Variants in PABPC4L observed in about 807,000 individuals in gnomAD.
PABPC4L encodes polyadenylate-binding protein 4-like.
For missense variants in PABPC4L, 452 were observed against 451.4 expected (o/e 1.00, Z -0.01); for synonymous variants, 169 against 164.1 (o/e 1.03, Z -0.23).
the PABPC4L span, among the ~76,000 whole-genome samples, chr4:134,056,006 T>C: frequency 6.6e-6 from 1 of 151,988 alleles, no homozygotes; most frequent in Non-Finnish European, 1.5e-5. Context: ...GTATGAGACA[T>C]AGATTGAGTT....
chr4:134,073,394 G>A, the PABPC4L span, among the ~76,000 whole-genome samples: 1 of 152,216 alleles, frequency 6.6e-6, no homozygotes, highest in African/African-American at 2.4e-5. Context: ...GCTGATGGAA[G>A]TAGGCTCCAT....
At chr4:134,119,696 T>C in the PABPC4L span, among the ~76,000 whole-genome samples, 1 of 151,662 alleles carries the variant, frequency 6.6e-6, no homozygotes, top group African/African-American at 2.4e-5. Context: ...CATCACCAAG[T>C]ACCCAGAAAC....
chr4:134,143,931 T>A, the PABPC4L span, among the ~76,000 whole-genome samples: 1 of 151,492 alleles, frequency 6.6e-6, no homozygotes, highest in African/African-American at 2.4e-5. Context: ...CCTGCATATT[T>A]TACTTATGAC....
chr4:133,965,199 A>G, the PABPC4L span, among the ~76,000 whole-genome samples: 2 of 152,244 alleles, frequency 1.3e-5, no homozygotes, highest in East Asian at 3.9e-4. Context: ...AATTAAATCA[A>G]GAACTCAAGC....
At chr4:133,982,078 T>C in the PABPC4L span, among the ~76,000 whole-genome samples, 5 of 152,174 alleles carry the variant, frequency 3.3e-5, no homozygotes, top group South Asian at 1.0e-3. Context: ...AGGAAATTAA[T>C]TTTGCCTTGC....
chr4:134,167,243 A>G, the PABPC4L span, among the ~76,000 whole-genome samples: 17 of 152,204 alleles, frequency 1.1e-4, no homozygotes, highest in African/African-American at 4.1e-4. Flanking sequence ...AGGTTCATTC[A>G]TTGCAACAAA....
chr4:133,971,219 C>A, the PABPC4L span, among the ~76,000 whole-genome samples: 1 of 140,526 alleles, frequency 7.1e-6, no homozygotes, highest in African/African-American at 2.6e-5. Flanking sequence ...TTCACGCATT[C>A]TACTGCCTCA....
chr4:134,101,436 A>C, the PABPC4L span, among the ~76,000 whole-genome samples: 2 of 151,414 alleles, frequency 1.3e-5, no homozygotes, highest in Non-Finnish European at 3.0e-5. Context: ...TTCCAACATA[A>C]ATTCTGATGC....
chr4:134,016,871 C>T, the PABPC4L span, among the ~76,000 whole-genome samples: 2 of 152,206 alleles, frequency 1.3e-5, no homozygotes, highest in East Asian at 1.9e-4. Context: ...CCATCAAGCT[C>T]GGGGATTTGT....
chr4:134,012,839 T>C, the PABPC4L span, among the ~76,000 whole-genome samples: 1 of 152,192 alleles, frequency 6.6e-6, no homozygotes, highest in Non-Finnish European at 1.5e-5. Context: ...CCTTTCAGTC[T>C]TGGTGCCACA....
chr4:134,085,772 T>C, the PABPC4L span, among the ~76,000 whole-genome samples: 1 of 152,198 alleles, frequency 6.6e-6, no homozygotes, highest in Non-Finnish European at 1.5e-5. Context: ...TATACCACTC[T>C]GTTGTATGTA....
At chr4:134,095,885 C>A in the PABPC4L span, among the ~76,000 whole-genome samples, 1 of 151,966 alleles carries the variant, frequency 6.6e-6, no homozygotes, top group Non-Finnish European at 1.5e-5. Flanking sequence ...TTGCACCCTG[C>A]ACAGAGAACT....
At chr4:133,994,738 T>C in the PABPC4L span, among the ~76,000 whole-genome samples, 1 of 152,180 alleles carries the variant, frequency 6.6e-6, no homozygotes, top group Non-Finnish European at 1.5e-5. Context: ...TTCCTTTCCC[T>C]GGGCATTGGG....
chr4:134,121,742 T>C, the PABPC4L span, among the ~76,000 whole-genome samples: 5 of 151,918 alleles, frequency 3.3e-5, no homozygotes, highest in South Asian at 8.3e-4. Flanking sequence ...AACAATTTCC[T>C]GAGGACTAAC....
chr4:134,092,425 A>G, the PABPC4L span, among the ~76,000 whole-genome samples: 2 of 151,908 alleles, frequency 1.3e-5, no homozygotes, highest in Non-Finnish European at 2.9e-5. Context: ...AGCCACCACC[A>G]TCACTCAATA....
At chr4:134,054,252 GTATATATATA>G in the PABPC4L span, among the ~76,000 whole-genome samples, 6,358 of 93,794 alleles carry the variant, frequency 0.068, 493 homozygotes, top group East Asian at 0.4. Flanking sequence ...AGTTGTATAT[GTATATATATA>G]TATATATATA....
At chr4:133,996,001 T>C in the PABPC4L span, among the ~76,000 whole-genome samples, 1 of 152,206 alleles carries the variant, frequency 6.6e-6, no homozygotes, top group African/African-American at 2.4e-5. Flanking sequence ...CTGATTGACT[T>C]GTTGATCTTG....
downstream of PABPC4L, among the ~76,000 whole-genome samples, chr4:134,192,463 T>G (rs191121784): frequency 1.1e-3 from 167 of 152,178 alleles, no homozygotes; most frequent in Admixed American, 2.4e-3. Context: ...TAGCGGTGAT[T>G]TTGCACAATC....
Position 134,198,003 on chromosome 4 carries a change from T to A in PABPC4L, c.*1904A>T, listed in dbSNP as rs1251427611. 1 of 151,714 alleles carries A rather than the reference T, an allele frequency of 6.6e-6. No homozygotes were observed. Among genetic ancestry groups the A allele is most frequent in the Non-Finnish European group, 1.5e-5 (1 of 67,680 alleles). 9.4% of individuals were successfully genotyped at this position (151,714 alleles called of 1,614,324 possible). On this transcript the variant is annotated 3_prime_UTR_variant, in exon 2 of 2. Transcript: ENST00000421491. ...ATATATAAGTTCGCAAGGATGTTAA[T>A]CTCCAAGTTATTTATGACAGAGGAA...
Sources: gnomAD v4.1 joint callset for allele counts (sites outside exome capture counted in the v4.1 genomes callset) on GRCh38, gnomAD v4.1.1 for gene constraint, MANE v1.5 for transcripts, NCBI Gene and HGNC (gene_info 2026-07-23, HGNC 2026-07-21) for gene names.